The following NR2E1 variants were observed in gnomAD, a reference collection of about 807,000 sequenced individuals.
NR2E1 encodes the protein nuclear receptor TLX.
A neutral mutation model predicts 43.6 loss-of-function variants in NR2E1; 5 were observed. The ratio of observed to expected loss-of-function variants is 0.11; its 90% confidence interval spans 0.06 to 0.24. The LOEUF (loss-of-function observed/expected upper bound fraction) is 0.24. Among genes scored for constraint, NR2E1 ranks in the 10% least tolerant of loss-of-function variants. The pLI is 1.00. For missense variants in NR2E1, 287 were observed against 496.7 expected, an observed-to-expected ratio of 0.58 and a Z score of 4.01; for synonymous variants, 191 against 195.5, an observed-to-expected ratio of 0.98 and a Z score of 0.19.
At chr6:108,168,000 T>C (rs191257610) in intron 1 of NR2E1, 5 of 1,570,970 alleles carry the variant, frequency 3.2e-6, no homozygotes, top group Admixed American at 1.9e-5. Flanking sequence ...TAGAGCAAAA[T>C]GAACGTGAAC....
chr6:108,171,374 C>T lies in NR2E1; in HGVS notation c.26-84C>T, dbSNP rs545600398. On this transcript the variant is annotated intron_variant, in intron 1 of 8. Transcript: ENST00000368986. ...AGGTCAGATTGCTTAGCATCTCTCT[C>T]TCCCTCTCCCCTTTTCTCCCTCTTC... 7.9e-5 allele frequency: 113 copies of T among 1,428,340 alleles called. 1 individual carries two copies. In the African/African-American group the frequency reaches 1.2e-3, roughly 16 times the overall value. The allele number at this position is 1,428,340 out of a possible 1,614,324, so 88.5% of individuals were successfully genotyped here. A position where few individuals can be genotyped will look rare whatever the true frequency, so the allele number is the denominator to read the frequency against.
At chr6:108,171,031 C>T (rs538403857) in intron 1 of NR2E1, among the ~76,000 whole-genome samples, 1 of 152,304 alleles carries the variant, frequency 6.6e-6, no homozygotes, top group East Asian at 1.9e-4. Context: ...TGTTTTTCTT[C>T]TTTTCCCTTT....
intron 3 of NR2E1, 117 bp from the exon 4 acceptor site, chr6:108,176,386 C>T (rs569609413): frequency 4.4e-5 from 40 of 916,322 alleles, no homozygotes; most frequent in Non-Finnish European, 4.3e-5. Context: ...CTTTTCACCT[C>T]TTGGGCGATT....
chr6:108,177,975 C>T (rs1486778888), intron 4 of NR2E1, 120 bp from the exon 5 acceptor site: 1 of 1,112,044 alleles, frequency 9.0e-7, no homozygotes, highest in Non-Finnish European at 1.4e-6. Context: ...CATGTTTAAA[C>T]AAAACATCCA....
At chr6:108,185,676 C>T (rs140453474) in intron 8 of NR2E1, among the ~76,000 whole-genome samples, 108 of 152,282 alleles carry the variant, frequency 7.1e-4, no homozygotes, top group African/African-American at 2.5e-3. Context: ...AGGTATGAGC[C>T]ACCACACCTG....
chr6:108,181,408 G>T, intron 7 of NR2E1, 138 bp from the exon 8 acceptor site: 3 of 751,882 alleles, frequency 4.0e-6, no homozygotes, highest in East Asian at 2.5e-5. Context: ...TGGCCAGGTT[G>T]GTCTCGAACT....
Position 108,166,867 on chromosome 6 carries a change from T to A in NR2E1, c.25+77T>A, listed in dbSNP as rs570131329. ...CGAGCGGGGAGGCTGGGGGAGGTCC[T>A]GCCTGGAGCGCTGCGAATCTGAGCC... On this transcript the variant is annotated intron_variant, in intron 1 of 8. Coordinates refer to ENST00000368986, the MANE Select transcript of NR2E1 (RefSeq NM_003269.5). The surrounding 1 kb of genome is among the most constrained non-coding windows in gnomAD (Gnocchi z 7.2). The A allele has an allele frequency of 1.9e-4, 275 of 1,427,968 alleles. No homozygotes were observed. The highest frequency in any genetic ancestry group is 2.0e-4 in the Non-Finnish European group (210 of 1,040,970). 88.5% of individuals were successfully genotyped at this position (1,427,968 alleles called of 1,614,324 possible).
chr6:108,166,847 G>A lies in NR2E1; in HGVS notation c.25+57G>A, dbSNP rs183607859. On this transcript the variant is annotated intron_variant, in intron 1 of 8. Coordinates refer to ENST00000368986, the MANE Select transcript of NR2E1 (RefSeq NM_003269.5). This position sits in a 1 kb window ranked among gnomAD's most constrained non-coding sequence, Gnocchi z 7.2. Reference sequence around the variant, plus strand: ...GGCGCGCAGCCTGGGGCGAGCGAGCGGGGAGGCTGGGGGAGGTCCTGCCTG... The same window carrying A: ...GGCGCGCAGCCTGGGGCGAGCGAGCAGGGAGGCTGGGGGAGGTCCTGCCTG... 414 of 1,495,604 alleles carry A rather than the reference G, an allele frequency of 2.8e-4. 1 individual carries two copies. In the African/African-American group the frequency reaches 5.3e-3, roughly 19 times the overall value. The allele number at this position is 1,495,604 out of a possible 1,614,324, so 92.6% of individuals were successfully genotyped here.
At chr6:108,171,655 CTT>C (rs1380822786) in intron 2 of NR2E1, 52 bp downstream of exon 2, 1 of 1,610,906 alleles carries the variant, frequency 6.2e-7, no homozygotes, top group Non-Finnish European at 8.5e-7. Context: ...CCTCCTCACT[CTT>C]TTGTTTGTGC....
intron 1 of NR2E1, among the ~76,000 whole-genome samples, chr6:108,167,703 G>A (rs114737190): frequency 0.014 from 2,120 of 152,206 alleles, 32 homozygotes; most frequent in African/African-American, 0.045. Flanking sequence ...TCTGAGGCTG[G>A]GGACTACCGT....
intron 2 of NR2E1, among the ~76,000 whole-genome samples, chr6:108,172,354 G>A (rs371931910): frequency 1.1e-3 from 174 of 152,268 alleles, no homozygotes; most frequent in African/African-American, 4.0e-3. Context: ...TTAGAATTTG[G>A]GCCCAGTCGG....
intron 7 of NR2E1, 34 bp from the exon 8 acceptor site, chr6:108,181,512 C>T: frequency 6.4e-7 from 1 of 1,553,304 alleles, no homozygotes; most frequent in Non-Finnish European, 8.9e-7. Context: ...AATTTCTATG[C>T]TGTCTATCAC....
In NR2E1 at chr6:108,187,782, A is replaced by G. The variant is rs1001049092; in HGVS notation, c.*319A>G. 4 of 383,688 alleles carry G rather than the reference A, an allele frequency of 1.0e-5. No individual in the cohort carries two copies. Among genetic ancestry groups the G allele is most frequent in the Non-Finnish European group, 2.0e-5 (4 of 201,274 alleles). The allele number at this position is 383,688 out of a possible 1,614,324, so 23.8% of individuals were successfully genotyped here. A position where few individuals can be genotyped will look rare whatever the true frequency, so the allele number is the denominator to read the frequency against. ...CCTCTTACCTGGAAGATCAGGCTGAACGATCAAAAGCTGAAACATAAGTAG... is the reference window on the plus strand; with the variant it reads ...CCTCTTACCTGGAAGATCAGGCTGAGCGATCAAAAGCTGAAACATAAGTAG... On this transcript the variant is annotated 3_prime_UTR_variant, in exon 9 of 9. Transcript: ENST00000368986.
intron 1 of NR2E1, chr6:108,167,929 C>T (rs186787010): frequency 7.4e-7 from 1 of 1,353,700 alleles, no homozygotes; most frequent in Non-Finnish European, 1.0e-6. Flanking sequence ...CTCCTACCCC[C>T]CTCCAAGAAG....
chr6:108,187,537 T>C lies in NR2E1; in HGVS notation c.*74T>C. ...CAACCCATGGAGAACAAGCCTCAAC[T>C]AACAAACCCTTCAGGAAGCATATAC... On this transcript the variant is annotated 3_prime_UTR_variant, in exon 9 of 9. Transcript: ENST00000368986. The C allele has an allele frequency of 6.7e-7, 1 of 1,501,586 alleles. No homozygotes were observed. Among genetic ancestry groups the C allele is most frequent in the Non-Finnish European group, 9.2e-7 (1 of 1,081,274 alleles). The allele number at this position is 1,501,586 out of a possible 1,614,324, so 93.0% of individuals were successfully genotyped here. A position where few individuals can be genotyped will look rare whatever the true frequency, so the allele number is the denominator to read the frequency against.
chr6:108,186,924 A>G (rs1161465020), intron 8 of NR2E1, among the ~76,000 whole-genome samples: 1 of 152,216 alleles, frequency 6.6e-6, no homozygotes, highest in Non-Finnish European at 1.5e-5. Flanking sequence ...ATTAGAAAAC[A>G]TGGGTTCTGT....
At position 108,166,621 on chromosome 6, in the gene NR2E1, C is replaced by G; in HGVS notation, c.-145C>G. On this transcript the variant is annotated 5_prime_UTR_variant, in exon 1 of 9. Transcript: ENST00000368986. This position sits in a 1 kb window ranked among gnomAD's most constrained non-coding sequence, Gnocchi z 7.2. ...TCTGAGCGCCCAGGGAGCAGCGCAG[C>G]GCGCGACTGACACCCACCTGTCCCG... 1.7e-6 allele frequency: 1 copy of G among 598,702 alleles called. No homozygotes were observed. The allele number at this position is 598,702 out of a possible 1,614,324, so 37.1% of individuals were successfully genotyped here. A position where few individuals can be genotyped will look rare whatever the true frequency, so the allele number is the denominator to read the frequency against.
intron 1 of NR2E1, chr6:108,168,124 C>A: frequency 6.2e-7 from 1 of 1,602,808 alleles, no homozygotes; most frequent in Middle Eastern, 1.7e-4. Context: ...CCTTTAGGCT[C>A]GGGCCTACCC....
chr6:108,176,125 C>T (rs1773892578), intron 3 of NR2E1: 2 of 232,954 alleles, frequency 8.6e-6, no homozygotes, highest in South Asian at 9.2e-5. Context: ...CGCTCCCTCT[C>T]TTTTGGATGG....
Sources: allele counts gnomAD v4.1 joint callset (sites outside exome capture counted in the v4.1 genomes callset), GRCh38; gene constraint gnomAD v4.1.1; non-coding constraint Gnocchi (gnomAD v3.1); transcripts MANE v1.5; gene names NCBI Gene and HGNC (gene_info 2026-07-23, HGNC 2026-07-21).